The following DNAH11 variants were observed in gnomAD, a reference collection of about 807,000 sequenced individuals.
DNAH11 encodes dynein axonemal heavy chain 11, also known as axonemal beta dynein heavy chain 11.
Under a neutral mutation model 526.0 loss-of-function variants are expected in DNAH11, and 442 were observed. The ratio of observed to expected loss-of-function variants is 0.84; its 90% CI spans 0.78 to 0.91. DNAH11 has a LOEUF of 0.91. DNAH11 is among the 40% of genes least tolerant of loss of function. The pLI is 0.00. For synonymous variants in DNAH11, 2,461 were observed against 1,935.9 expected (o/e 1.27, Z -7.12); for missense variants, 6,989 against 5,448.7 (o/e 1.28, Z -8.90).
At chr7:21,649,741 C>G (rs186836779) in intron 28 of DNAH11, among the ~76,000 whole-genome samples, 9 of 151,450 alleles carry the variant, frequency 5.9e-5, no homozygotes, top group Admixed American at 5.9e-4. Flanking sequence ...TCTGGACTCA[C>G]TGCAACCTCC....
At chr7:21,651,884 A>G (rs1781793616) in intron 28 of DNAH11, among the ~76,000 whole-genome samples, 1 of 152,248 alleles carries the variant, frequency 6.6e-6, no homozygotes, top group South Asian at 2.1e-4. Context: ...AGTGACAGTC[A>G]TGTCACATCT....
At chr7:21,604,530 C>T (rs1014487726) in intron 18 of DNAH11, among the ~76,000 whole-genome samples, 5 of 152,114 alleles carry the variant, frequency 3.3e-5, no homozygotes, top group African/African-American at 9.7e-5. Flanking sequence ...CTGTATTGGT[C>T]GTCATACCTC....
At chr7:21,818,141 A>G in intron 64 of DNAH11, 76 bp from the exon 65 acceptor site, 1 of 1,435,356 alleles carries the variant, frequency 7.0e-7, no homozygotes, top group South Asian at 1.3e-5. Flanking sequence ...ATTAAATATA[A>G]TTTGATCATT....
At chr7:21,716,947 A>G (rs919936476) in intron 42 of DNAH11, among the ~76,000 whole-genome samples, 1 of 152,126 alleles carries the variant, frequency 6.6e-6, no homozygotes, top group East Asian at 1.9e-4. Flanking sequence ...CTGATGCTCA[A>G]AATGCAAGGT....
intron 66 of DNAH11, among the ~76,000 whole-genome samples, chr7:21,848,891 T>C (rs1277042117): frequency 6.6e-6 from 1 of 152,212 alleles, no homozygotes; most frequent in Non-Finnish European, 1.5e-5. Context: ...ATTTTCTTTT[T>C]TCTTTTTTTC....
intron 68 of DNAH11, among the ~76,000 whole-genome samples, chr7:21,856,882 A>C (rs1782871390): frequency 6.6e-6 from 1 of 152,214 alleles, no homozygotes; most frequent in Non-Finnish European, 1.5e-5. Flanking sequence ...CATTATACTT[A>C]ATGTTGAAAA....
intron 65 of DNAH11, among the ~76,000 whole-genome samples, chr7:21,832,045 G>A (rs1213007466): frequency 3.3e-5 from 5 of 151,838 alleles, no homozygotes; most frequent in Non-Finnish European, 7.4e-5. Flanking sequence ...TGCTGAGGTT[G>A]CACCACTGCA....
chr7:21,715,106 G>C (rs113804503), intron 42 of DNAH11, among the ~76,000 whole-genome samples: 3 of 152,332 alleles, frequency 2.0e-5, no homozygotes, highest in African/African-American at 7.2e-5. Flanking sequence ...TAGTCAGCAT[G>C]TACTGCTAAC....
chr7:21,800,836 CG>C (rs1788954157), intron 61 of DNAH11, among the ~76,000 whole-genome samples: 1 of 152,088 alleles, frequency 6.6e-6, no homozygotes, highest in Admixed American at 6.5e-5. Context: ...AGTGCACCCA[CG>C]GCGTATTTGC....
At chr7:21,885,804 G>A (rs974174102) in intron 76 of DNAH11, among the ~76,000 whole-genome samples, 1 of 152,184 alleles carries the variant, frequency 6.6e-6, no homozygotes, top group Admixed American at 6.5e-5. Context: ...CTCTCGTGAG[G>A]AAGAGGTAGA....
At chr7:21,789,893 C>CTTT in intron 61 of DNAH11, among the ~76,000 whole-genome samples, 1 of 125,050 alleles carries the variant, frequency 8.0e-6, no homozygotes, top group African/African-American at 3.3e-5. Context: ...TCTTTCTTTC[C>CTTT]TTTCCCCTCC....
intron 25 of DNAH11, among the ~76,000 whole-genome samples, chr7:21,620,389 T>C (rs1239621210): frequency 6.6e-6 from 1 of 151,830 alleles, no homozygotes; most frequent in Non-Finnish European, 1.5e-5. Flanking sequence ...TCTTGCCCCC[T>C]CCCCCCGGCT....
chr7:21,843,669 T>C (rs113594676), intron 66 of DNAH11, among the ~76,000 whole-genome samples: 3,385 of 151,870 alleles, frequency 0.022, 129 homozygotes, highest in African/African-American at 0.077. Flanking sequence ...TTAGTAGTGA[T>C]AGGGTTTCAC....
chr7:21,892,165 G>A (rs1398203820), intron 76 of DNAH11, among the ~76,000 whole-genome samples: 1 of 152,180 alleles, frequency 6.6e-6, no homozygotes, highest in Non-Finnish European at 1.5e-5. Context: ...TTGTGTGCAT[G>A]TATCACACTG....
chr7:21,654,581 C>A (rs1781930904), intron 28 of DNAH11, among the ~76,000 whole-genome samples: 1 of 152,136 alleles, frequency 6.6e-6, no homozygotes, highest in African/African-American at 2.4e-5. Flanking sequence ...TTCCTATTTT[C>A]AACTCTGTAG....
At chr7:21,883,056 C>T (rs1341195993) in intron 75 of DNAH11, among the ~76,000 whole-genome samples, 1 of 152,154 alleles carries the variant, frequency 6.6e-6, no homozygotes, top group Non-Finnish European at 1.5e-5. Context: ...ATGTTGCGGT[C>T]TAGGCACCCC....
chr7:21,650,732 C>T (rs1291713079), intron 28 of DNAH11, among the ~76,000 whole-genome samples: 2 of 151,664 alleles, frequency 1.3e-5, no homozygotes, highest in African/African-American at 2.4e-5. Context: ...CTCTGCCTCC[C>T]GGGTTCAAGC....
intron 18 of DNAH11, among the ~76,000 whole-genome samples, chr7:21,605,962 C>T (rs949339106): frequency 2.6e-5 from 4 of 152,206 alleles, no homozygotes; most frequent in African/African-American, 7.2e-5. Context: ...GCCTTTTCAT[C>T]ACTTTCATCC....
chr7:21,618,126 C>T (rs1583533561), intron 23 of DNAH11: 1 of 165,392 alleles, frequency 6.0e-6, no homozygotes, highest in South Asian at 2.0e-4. Flanking sequence ...AGACCTAGCT[C>T]CCTGGCTCCC....
Sources: gnomAD v4.1 joint callset for allele counts (sites outside exome capture counted in the v4.1 genomes callset) on GRCh38, gnomAD v4.1.1 for gene constraint, MANE v1.5 for transcripts, NCBI Gene and HGNC (gene_info 2026-07-23, HGNC 2026-07-21) for gene names.